DAAM1: variants seen among roughly 807,000 people sequenced by gnomAD.
DAAM1 encodes the protein disheveled-associated activator of morphogenesis 1.
In DAAM1, 52 loss-of-function variants were observed where a neutral mutation model predicts 130.0. The observed-to-expected ratio is 0.40, with a 90% CI of 0.32 to 0.50. The LOEUF (loss-of-function observed/expected upper bound fraction) is 0.50, where lower values mean the gene tolerates loss of function less well. DAAM1 is among the 20% of genes least tolerant of loss of function. The pLI is 0.61. For missense variants in DAAM1, 1,134 were observed against 1,303.8 expected (o/e 0.87, Z 2.01); for synonymous variants, 452 against 444.5 (o/e 1.02, Z -0.21).
In DAAM1 at chr14:59,367,609, T is replaced by C. The variant is rs1886971472; in HGVS notation, c.2997+10T>C. 5 of 1,609,778 alleles carry C rather than the reference T, an allele frequency of 3.1e-6. No homozygotes were observed. Among genetic ancestry groups the C allele is most frequent in the Non-Finnish European group, 4.2e-6 (5 of 1,177,654 alleles). The stretch of plus-strand genomic sequence containing the variant: ...TCGCATGGAAGCTCAGGTGAGAGGA[T>C]GATTAATTGACCAATTCCACCTCCT... On this transcript the variant is annotated intron_variant, in intron 24 of 24. Coordinates refer to ENST00000360909, the MANE Select transcript of DAAM1 (RefSeq NM_001270520.2).
chr14:59,349,099 A>G (rs1886191551), intron 17 of DAAM1, among the ~76,000 whole-genome samples: 1 of 152,214 alleles, frequency 6.6e-6, no homozygotes, highest in African/African-American at 2.4e-5. Context: ...CCAGTCACAC[A>G]GAGTCTTTGC....
chr14:59,263,677 T>C lies in DAAM1; in HGVS notation c.183+17T>C. 6.2e-7 allele frequency: 1 copy of C among 1,612,632 alleles called. No individual in the cohort carries two copies. The highest frequency in any genetic ancestry group is 1.3e-5 in the African/African-American group (1 of 74,562). ...GAACTGGTGGTGAGTCCCAGTTTTC[T>C]ATCCTGGCATTGGTGGGGAGCCAGA... On this transcript the variant is annotated intron_variant, in intron 2 of 24. Coordinates refer to ENST00000360909, the MANE Select transcript of DAAM1 (RefSeq NM_001270520.2).
chr14:59,313,378 C>T (rs1884665629), intron 3 of DAAM1, among the ~76,000 whole-genome samples: 1 of 152,216 alleles, frequency 6.6e-6, no homozygotes. Context: ...GAAAATGAAG[C>T]CTTCTTCCCC....
Position 59,368,800 on chromosome 14 carries a change from A to G in DAAM1, c.3148A>G (p.Ile1050Val), listed in dbSNP as rs753778751. 6.2e-7 allele frequency: 1 copy of G among 1,614,042 alleles called. No homozygotes were observed. The highest frequency in any genetic ancestry group is 2.2e-5 in the East Asian group (1 of 44,862). Reference protein sequence around the residue: ...LSKLKRNRKRITNQMTDSSRE... With the variant: ...LSKLKRNRKRVTNQMTDSSRE... ...TAAATTGAAACGGAATCGCAAACGTATTACCAACCAGATGACTGACAGCAG... is the reference window on the plus strand; with the variant it reads ...TAAATTGAAACGGAATCGCAAACGTGTTACCAACCAGATGACTGACAGCAG... The change falls in exon 25 of 25, where the codon ATT (isoleucine) becomes GTT (valine). Residue 1050 changes from isoleucine to valine, a missense_variant. This residue lies in a region of DAAM1 where 644 missense variants were observed against 695.9 expected (regional missense o/e 0.93). Transcript: ENST00000360909.
At position 59,353,984 on chromosome 14, in the gene DAAM1, A is replaced by G; in HGVS notation, c.2356+20A>G. ...TGGAAGGTAAAGTCAAGCTGTCTAG[A>G]TTGGAAATGATGTTCATCATTACAA... On this transcript the variant is annotated intron_variant, in intron 19 of 24. Transcript: ENST00000360909. 6.2e-7 allele frequency: 1 copy of G among 1,608,848 alleles called. No homozygotes were observed. The highest frequency in any genetic ancestry group is 1.3e-5 in the African/African-American group (1 of 74,914).
At chr14:59,293,643 A>G (rs781155587) in intron 3 of DAAM1, among the ~76,000 whole-genome samples, 40 of 152,194 alleles carry the variant, frequency 2.6e-4, no homozygotes, top group Non-Finnish European at 5.1e-4. Flanking sequence ...AGGGAATCCC[A>G]TGGGTTCTAG....
At chr14:59,354,566 C>T (rs1886405447) in intron 19 of DAAM1, among the ~76,000 whole-genome samples, 2 of 152,140 alleles carry the variant, frequency 1.3e-5, no homozygotes, top group African/African-American at 2.4e-5. Flanking sequence ...CTGTAATTAG[C>T]TTCCTCACAA....
chr14:59,350,930 G>A (rs1694194837), intron 17 of DAAM1, among the ~76,000 whole-genome samples: 2 of 152,196 alleles, frequency 1.3e-5, no homozygotes, highest in Admixed American at 6.5e-5. Flanking sequence ...TAAAACCAAT[G>A]CCATGCTTCA....
intron 2 of DAAM1, among the ~76,000 whole-genome samples, chr14:59,278,773 A>G: frequency 6.6e-6 from 1 of 152,216 alleles, no homozygotes. Context: ...GAATATTTTA[A>G]GGAAGTGATC....
intron 23 of DAAM1, 124 bp downstream of exon 23, chr14:59,363,906 AAAG>A (rs1886812957): frequency 7.4e-7 from 1 of 1,344,694 alleles, no homozygotes. Context: ...TGCAGGAAAT[AAAG>A]TAGTAGATAA....
At chr14:59,276,780 CAAAAG>C (rs1480469400) in intron 2 of DAAM1, among the ~76,000 whole-genome samples, 1 of 152,082 alleles carries the variant, frequency 6.6e-6, no homozygotes, top group African/African-American at 2.4e-5. Context: ...AAAAGCAAAA[CAAAAG>C]AAAACAAAAA....
At chr14:59,343,829 G>T (rs1284075999) in intron 16 of DAAM1, among the ~76,000 whole-genome samples, 1 of 152,136 alleles carries the variant, frequency 6.6e-6, no homozygotes, top group Non-Finnish European at 1.5e-5. Context: ...GAAGCTCTCA[G>T]AAAGAGATGG....
chr14:59,193,341 G>C (rs954706255), intron 1 of DAAM1, among the ~76,000 whole-genome samples: 1 of 151,750 alleles, frequency 6.6e-6, no homozygotes, highest in African/African-American at 2.4e-5. Flanking sequence ...CCCTTTCTCT[G>C]AGCTGTCACC....
At chr14:59,367,350 T>C in intron 23 of DAAM1, 79 bp from the exon 24 acceptor site, 1 of 1,512,206 alleles carries the variant, frequency 6.6e-7, no homozygotes. Context: ...AATCTGGGCT[T>C]TGGTCTTTCT....
intron 1 of DAAM1, among the ~76,000 whole-genome samples, chr14:59,209,633 G>T (rs1433817666): frequency 2.0e-5 from 3 of 152,126 alleles, no homozygotes; most frequent in Non-Finnish European, 2.9e-5. Context: ...AGGTAATTTT[G>T]CCCAATTGTA....
At chr14:59,221,740 C>T (rs1254984939) in intron 1 of DAAM1, among the ~76,000 whole-genome samples, 1 of 152,214 alleles carries the variant, frequency 6.6e-6, no homozygotes, top group East Asian at 1.9e-4. Context: ...CCTTTCTTGT[C>T]CTGCTGACTC....
intron 3 of DAAM1, among the ~76,000 whole-genome samples, chr14:59,304,681 A>G (rs1042946537): frequency 6.6e-6 from 1 of 152,162 alleles, no homozygotes; most frequent in South Asian, 2.1e-4. Flanking sequence ...TCTTCTAACT[A>G]GTGCTTTTGT....
intron 17 of DAAM1, among the ~76,000 whole-genome samples, chr14:59,350,382 G>A (rs1001430960): frequency 6.6e-6 from 1 of 151,758 alleles, no homozygotes; most frequent in African/African-American, 2.4e-5. Flanking sequence ...TACAGCATCT[G>A]CACACATATA....
intron 1 of DAAM1, among the ~76,000 whole-genome samples, chr14:59,258,362 G>A (rs533717707): frequency 6.6e-6 from 1 of 152,204 alleles, no homozygotes; most frequent in Admixed American, 6.5e-5. Context: ...AGTTGTTAAG[G>A]GCCAGTGCAG....
Sources: gnomAD v4.1 joint callset for allele counts (sites outside exome capture counted in the v4.1 genomes callset) on GRCh38, gnomAD v4.1.1 for gene constraint, gnomAD v4.1.1 regional missense constraint, MANE v1.5 for transcripts, NCBI Gene and HGNC (gene_info 2026-07-23, HGNC 2026-07-21) for gene names.